The following PELI2 variants were observed in gnomAD, a reference collection of about 807,000 sequenced individuals.
PELI2 encodes the protein pellino E3 ubiquitin protein ligase family member 2.
Under a neutral mutation model 42.3 loss-of-function variants are expected in PELI2, and 23 were observed. The observed-to-expected ratio is 0.54, with a 90% CI of 0.39 to 0.77. The LOEUF (loss-of-function observed/expected upper bound fraction) is 0.77, where lower values mean the gene tolerates loss of function less well. PELI2 is among the 30% of genes least tolerant of loss of function. PELI2 has a pLI of 0.00. For missense variants in PELI2, 463 were observed against 553.2 expected, an observed-to-expected ratio of 0.84 and a Z score of 1.64; for synonymous variants, 245 against 212.2, an observed-to-expected ratio of 1.15 and a Z score of -1.34.
At chr14:56,268,069 A>G (rs1888970613) in intron 2 of PELI2, among the ~76,000 whole-genome samples, 1 of 152,208 alleles carries the variant, frequency 6.6e-6, no homozygotes, top group Non-Finnish European at 1.5e-5. Flanking sequence ...TGCATTTACT[A>G]CTGACTCACT....
At chr14:56,268,198 A>G (rs907769028) in intron 2 of PELI2, among the ~76,000 whole-genome samples, 2 of 152,196 alleles carry the variant, frequency 1.3e-5, no homozygotes, top group African/African-American at 4.8e-5. Context: ...GGCAAATCGA[A>G]TTATTCAACA....
intron 1 of PELI2, among the ~76,000 whole-genome samples, chr14:56,176,922 A>G (rs550346943): frequency 2.0e-5 from 3 of 152,340 alleles, no homozygotes; most frequent in South Asian, 4.1e-4. Flanking sequence ...TTTAAGTGAC[A>G]TGGAAATATA....
chr14:56,153,355 G>A (rs1595560773), intron 1 of PELI2, among the ~76,000 whole-genome samples: 1 of 152,112 alleles, frequency 6.6e-6, no homozygotes, highest in Admixed American at 6.5e-5. Context: ...GCTCTTAATT[G>A]TCATTAGAGT....
chr14:56,216,881 T>C (rs1296375006), intron 2 of PELI2, among the ~76,000 whole-genome samples: 10 of 152,258 alleles, frequency 6.6e-5, no homozygotes, highest in Admixed American at 6.5e-4. Context: ...TAGCATGCAA[T>C]GTTACACTGT....
At position 56,166,775 on chromosome 14, in the gene PELI2, G is replaced by T. The variant is rs956794244; in HGVS notation, c.78-11560G>T. Among the ~76,000 whole-genome samples the T allele has an allele frequency of 3.3e-4, 50 of 150,838 alleles. 1 individual carries two copies. Among genetic ancestry groups the T allele is most frequent in the South Asian group, 1.7e-3 (8 of 4,788 alleles). On this transcript the variant is annotated intron_variant, in intron 1 of 5. Coordinates refer to ENST00000267460, the MANE Select transcript of PELI2 (RefSeq NM_021255.3). ...TTGTATGTGATTTGTTTGTTGATTG[G>T]TTTTTTTTTCTTTCTTTTTTTTTAT...
intron 1 of PELI2, among the ~76,000 whole-genome samples, chr14:56,166,641 A>G (rs952965845): frequency 6.6e-6 from 1 of 152,120 alleles, no homozygotes; most frequent in African/African-American, 2.4e-5. Flanking sequence ...TTCTAAATAT[A>G]CTATTCTAGG....
At chr14:56,218,581 C>A (rs1886996998) in intron 2 of PELI2, among the ~76,000 whole-genome samples, 1 of 152,222 alleles carries the variant, frequency 6.6e-6, no homozygotes, top group East Asian at 1.9e-4. Context: ...TTCCACCTCC[C>A]AGATGTTTTC....
intron 1 of PELI2, among the ~76,000 whole-genome samples, chr14:56,173,645 G>C (rs989909138): frequency 2.6e-5 from 4 of 152,066 alleles, no homozygotes; most frequent in African/African-American, 9.7e-5. Context: ...GGCTCTTAAG[G>C]GGAGAATCTT....
At chr14:56,205,813 C>T (rs1403555632) in intron 2 of PELI2, among the ~76,000 whole-genome samples, 1 of 152,092 alleles carries the variant, frequency 6.6e-6, no homozygotes, top group Non-Finnish European at 1.5e-5. Flanking sequence ...TGACCCTGCA[C>T]TGGGTGCTGG....
chr14:56,163,264 G>A (rs1273852470), intron 1 of PELI2, among the ~76,000 whole-genome samples: 1 of 152,060 alleles, frequency 6.6e-6, no homozygotes, highest in African/African-American at 2.4e-5. Flanking sequence ...TATGGTGAGA[G>A]ATAGTGGTCT....
At position 56,300,446 on chromosome 14, in the gene PELI2, CT is replaced by C. The variant is rs145866704; in HGVS notation, c.*3294del. The C allele has an allele frequency of 0.044, 6,075 of 138,422 alleles. 125 individuals carry two copies. The highest frequency in any genetic ancestry group is 0.068 in the Middle Eastern group (17 of 250). 8.6% of individuals were successfully genotyped at this position (138,422 alleles called of 1,614,324 possible). ...TCTTTAGTTCATAAAGCTTCAATGT[CT>C]TTTTTTTTTTTTTCATGGAAAAACT... On this transcript the variant is annotated 3_prime_UTR_variant, in exon 6 of 6. Transcript: ENST00000267460.
chr14:56,129,649 C>T (rs1271906815), intron 1 of PELI2, among the ~76,000 whole-genome samples: 2 of 152,212 alleles, frequency 1.3e-5, no homozygotes, highest in African/African-American at 2.4e-5. Context: ...AGTGTGCCCA[C>T]CAGCTAGGGG....
chr14:56,198,633 G>A (rs1886225250), intron 2 of PELI2, among the ~76,000 whole-genome samples: 1 of 152,286 alleles, frequency 6.6e-6, no homozygotes, highest in Non-Finnish European at 1.5e-5. Context: ...ATGAGCAAGT[G>A]CAGAGCCCAC....
At chr14:56,168,007 C>CTT (rs1356518040) in intron 1 of PELI2, among the ~76,000 whole-genome samples, 2 of 152,198 alleles carry the variant, frequency 1.3e-5, no homozygotes, top group African/African-American at 4.8e-5. Context: ...TCTTCTCTTA[C>CTT]TTTCTCCCAG....
intron 2 of PELI2, among the ~76,000 whole-genome samples, chr14:56,211,867 A>G (rs1027145662): frequency 2.0e-5 from 3 of 152,076 alleles, no homozygotes; most frequent in South Asian, 2.1e-4. Context: ...GGAAAAATAC[A>G]TGTGACCAAA....
intron 2 of PELI2, among the ~76,000 whole-genome samples, chr14:56,217,475 A>T (rs1886948724): frequency 6.6e-6 from 1 of 152,182 alleles, no homozygotes; most frequent in African/African-American, 2.4e-5. Context: ...TGAGGGGAGG[A>T]CTGCGTCCGG....
At chr14:56,165,162 C>T (rs1375343032) in intron 1 of PELI2, among the ~76,000 whole-genome samples, 2 of 152,002 alleles carry the variant, frequency 1.3e-5, no homozygotes, top group African/African-American at 4.8e-5. Context: ...AGGCCATTAA[C>T]AGCTATAAAC....
At chr14:56,291,466 G>A (rs968292539) in intron 5 of PELI2, among the ~76,000 whole-genome samples, 2 of 152,032 alleles carry the variant, frequency 1.3e-5, no homozygotes, top group African/African-American at 4.8e-5. Context: ...CAGGCACAGC[G>A]TATGCGTCTT....
At chr14:56,152,822 A>C (rs1333123981) in intron 1 of PELI2, among the ~76,000 whole-genome samples, 1 of 152,260 alleles carries the variant, frequency 6.6e-6, no homozygotes, top group African/African-American at 2.4e-5. Flanking sequence ...AAGTTTTCAC[A>C]TACTGAAATT....
Sources: allele counts gnomAD v4.1 joint callset (sites outside exome capture counted in the v4.1 genomes callset), GRCh38; gene constraint gnomAD v4.1.1; transcripts MANE v1.5; gene names NCBI Gene and HGNC (gene_info 2026-07-23, HGNC 2026-07-21).